Variants in MEP1A observed in about 807,000 individuals in gnomAD.
The protein encoded by MEP1A is N-benzoyl-L-tyrosyl-P-amino-benzoic acid hydrolase subunit alpha.
A neutral mutation model predicts 84.5 loss-of-function variants in MEP1A; 68 were observed. That is an observed-to-expected ratio of 0.80 (90% CI 0.66 to 0.98). The LOEUF (loss-of-function observed/expected upper bound fraction) is 0.98, where lower values mean the gene tolerates loss of function less well. Among genes scored for constraint, MEP1A ranks in the 50% least tolerant of loss-of-function variants. The pLI is 0.00. For missense variants in MEP1A, 887 were observed against 919.9 expected (o/e 0.96, Z 0.46); for synonymous variants, 337 against 336.8 (o/e 1.00, Z -0.01).
intron 6 of MEP1A, 69 bp from the exon 7 acceptor site, chr6:46,819,460 T>C (rs1767716058): frequency 7.8e-7 from 1 of 1,289,570 alleles, no homozygotes; most frequent in Non-Finnish European, 1.1e-6. Context: ...ATTTGTGTTT[T>C]GGAGTACTGT....
downstream of MEP1A, among the ~76,000 whole-genome samples, chr6:46,844,150 A>T (rs1768378577): frequency 6.6e-6 from 1 of 152,216 alleles, no homozygotes; most frequent in Non-Finnish European, 1.5e-5. Context: ...AAAGTCTCTA[A>T]GCAAAGAAAA....
intron 8 of MEP1A, 138 bp from the exon 9 acceptor site, chr6:46,826,216 T>A: frequency 1.4e-6 from 1 of 693,018 alleles, no homozygotes; most frequent in Non-Finnish European, 2.2e-6. Context: ...CAGTAAGATT[T>A]GCATTTGAGA....
chr6:46,819,326 T>C (rs1480846558), intron 6 of MEP1A, among the ~76,000 whole-genome samples: 3 of 152,234 alleles, frequency 2.0e-5, no homozygotes, highest in Non-Finnish European at 4.4e-5. Flanking sequence ...TCTTCACTTT[T>C]AAAGCCTGCA....
intron 6 of MEP1A, among the ~76,000 whole-genome samples, chr6:46,812,150 C>T (rs1767518258): frequency 1.3e-5 from 2 of 151,994 alleles, no homozygotes; most frequent in African/African-American, 2.4e-5. Flanking sequence ...AATCTCACTA[C>T]TTGTTATTTG....
In MEP1A at chr6:46,814,657, C is replaced by T. The variant is rs1767590206; in HGVS notation, c.381-4872C>T. Among the ~76,000 whole-genome samples the T allele has an allele frequency of 2.0e-5, 3 of 152,094 alleles. No homozygotes were observed. In the South Asian group the frequency reaches 6.2e-4, roughly 32 times the overall value. ...TATCACCAGAATTGTTTTTCTGGTC[C>T]CTTCTCATTTGGGTAGACTGTGTCA... On this transcript the variant is annotated intron_variant, in intron 6 of 13. Transcript: ENST00000230588.
At chr6:46,825,641 C>T in intron 8 of MEP1A, 148 bp downstream of exon 8, 1 of 615,974 alleles carries the variant, frequency 1.6e-6, no homozygotes, top group Middle Eastern at 4.2e-4. Context: ...TGTTGGTCTA[C>T]CTCTAGACCC....
At position 46,839,179 on chromosome 6, in the gene MEP1A, A is replaced by T. The variant is rs376759432; in HGVS notation, c.*43A>T. 1.4e-5 allele frequency: 22 copies of T among 1,579,034 alleles called. 1 individual carries two copies. Among genetic ancestry groups the T allele is most frequent in the Admixed American group, 7.0e-5 (4 of 57,468 alleles). The stretch of plus-strand genomic sequence containing the variant: ...GCCAGACCACAGCAGCACCTCCTCC[A>T]TGCAGGCCTTAACTTTCCCATGGTC... On this transcript the variant is annotated 3_prime_UTR_variant, in exon 14 of 14. Transcript: ENST00000230588.
chr6:46,833,143 T>G lies in MEP1A; in HGVS notation c.1214T>G (p.Phe405Cys), dbSNP rs1768114111. ...GAGGAACAGAAGTTTCGCTACCTTT[T>G]CCAGGGCACAAAAGGCGACCCTCAG... The part of the protein sequence containing the change: ...LKEEQKFRYL[F>C]QGTKGDPQNS... The change falls in exon 11 of 14, where the codon TTC (phenylalanine) becomes TGC (cysteine). Residue 405 changes from phenylalanine (F) to cysteine (C), a missense_variant. Transcript: ENST00000230588. The G allele has an allele frequency of 6.4e-7, 1 of 1,570,124 alleles. No homozygotes were observed. The highest frequency in any genetic ancestry group is 1.4e-5 in the African/African-American group (1 of 72,900).
rs114611318 is a variant in MEP1A, at chr6:46,805,480, C to T, written c.263-3940C>T. 7.3e-3 allele frequency among the ~76,000 whole-genome samples: 1,110 copies of T among 151,930 alleles called. 12 individuals carry two copies. Among genetic ancestry groups the T allele is most frequent in the African/African-American group, 0.025 (1,052 of 41,482 alleles). ...TTATAAAATATCTGCTCTGTTAACC[C>T]ATTTTAAAAATTGAGTTGTTATTTA... On this transcript the variant is annotated intron_variant, in intron 5 of 13. Coordinates refer to ENST00000230588, the MANE Select transcript of MEP1A (RefSeq NM_005588.3).
chr6:46,819,749 A>G (rs773161085), intron 7 of MEP1A, 45 bp downstream of exon 7: 2 of 1,589,816 alleles, frequency 1.3e-6, no homozygotes, highest in Non-Finnish European at 1.7e-6. Flanking sequence ...ACTGGCTGAG[A>G]CCAATCCTGA....
In MEP1A at chr6:46,807,787, GAAA is replaced by G. The variant is rs1562107010; in HGVS notation, c.263-1632_263-1630del. On this transcript the variant is annotated intron_variant, in intron 5 of 13. Coordinates refer to ENST00000230588, the MANE Select transcript of MEP1A (RefSeq NM_005588.3). ...GGGAGAAAGGAAAGAAAGAAAGAAA[GAAA>G]GAAAGAAAGAAAGAAAGAAAGAAAG... Among the ~76,000 whole-genome samples the G allele has an allele frequency of 5.9e-3, 662 of 112,490 alleles. 7 individuals carry two copies. Among genetic ancestry groups the G allele is most frequent in the African/African-American group, 0.019 (628 of 32,720 alleles). The allele number at this position is 112,490 out of a possible 152,430, so 73.8% of individuals were successfully genotyped here.
At position 46,835,516 on chromosome 6, in the gene MEP1A, T is replaced by A. The variant is rs766193430; in HGVS notation, c.2051T>A (p.Ile684Asn). ...CCAAACCCTTGCCAAAATGACGGCA[T>A]CTGTGTGAACGTGAAGGGGATGGCG... Reference protein sequence around the residue: ...CDPNPCQNDGICVNVKGMASC... With the variant: ...CDPNPCQNDGNCVNVKGMASC... Residue 684 changes from isoleucine to asparagine, a missense_variant, in exon 13 of 14, where the codon ATC becomes AAC. Physicochemically the swap from Ile to Asn is moderately radical, Grantham distance 149. Coordinates refer to ENST00000230588, the MANE Select transcript of MEP1A (RefSeq NM_005588.3). 2 of 1,613,654 alleles carry A rather than the reference T, an allele frequency of 1.2e-6. No individual in the cohort carries two copies. Among genetic ancestry groups the A allele is most frequent in the African/African-American group, 1.3e-5 (1 of 75,032 alleles).
chr6:46,845,024 T>A, the MEP1A span, among the ~76,000 whole-genome samples: 2 of 152,212 alleles, frequency 1.3e-5, no homozygotes, highest in African/African-American at 4.8e-5. Flanking sequence ...AGACGTGCCT[T>A]GCTTCCCCTT....
intron 5 of MEP1A, among the ~76,000 whole-genome samples, chr6:46,799,515 A>C (rs1767145480): frequency 6.6e-6 from 1 of 152,198 alleles, no homozygotes; most frequent in Non-Finnish European, 1.5e-5. Flanking sequence ...GTGAATCTAA[A>C]TGTAGTGTGA....
intron 5 of MEP1A, among the ~76,000 whole-genome samples, chr6:46,805,489 A>T (rs982648309): frequency 4.6e-5 from 7 of 151,898 alleles, no homozygotes; most frequent in Admixed American, 1.3e-4. Flanking sequence ...CCATTTTAAA[A>T]ATTGAGTTGT....
At chr6:46,840,130 T>C (rs987739200), downstream of MEP1A, among the ~76,000 whole-genome samples, 19 of 152,114 alleles carry the variant, frequency 1.2e-4, no homozygotes, top group Non-Finnish European at 2.2e-4. Context: ...TTCTGAGTGG[T>C]CCTTTAAGTC....
chr6:46,829,508 T>C lies in MEP1A; in HGVS notation c.1081T>C (p.Trp361Arg). 1.2e-6 allele frequency: 2 copies of C among 1,614,202 alleles called. No individual in the cohort carries two copies. The highest frequency in any genetic ancestry group is 1.7e-6 in the Non-Finnish European group (2 of 1,180,030). Residue 361 changes from tryptophan (W) to arginine (R), a missense_variant, in exon 10 of 14, where the codon TGG (tryptophan) becomes CGG (arginine). Physicochemically the swap from Trp to Arg is moderately radical, Grantham distance 101 (BLOSUM62 -3). Transcript: ENST00000230588. Reference protein sequence around the residue: ...TGSPSDRLVVWVRRDDSTGNV... With the variant: ...TGSPSDRLVVRVRRDDSTGNV... The stretch of plus-strand genomic sequence containing the variant: ...AAGTCCTTCAGACAGACTCGTTGTC[T>C]GGGTCAGGAGGGATGACAGCACAGG...
chr6:46,813,166 T>G (rs1767546792), intron 6 of MEP1A, among the ~76,000 whole-genome samples: 1 of 151,966 alleles, frequency 6.6e-6, no homozygotes, highest in African/African-American at 2.4e-5. Context: ...GTAAATATAT[T>G]TTTAGAATAT....
At chr6:46,825,809 C>T (rs77748060) in intron 8 of MEP1A, among the ~76,000 whole-genome samples, 8 of 152,208 alleles carry the variant, frequency 5.3e-5, no homozygotes, top group East Asian at 3.9e-4. Context: ...ACTGGACAAA[C>T]GTAAGGAGAT....
Sources: gnomAD v4.1 joint callset for allele counts (sites outside exome capture counted in the v4.1 genomes callset) on GRCh38, gnomAD v4.1.1 for gene constraint, MANE v1.5 for transcripts, NCBI Gene and HGNC (gene_info 2026-07-23, HGNC 2026-07-21) for gene names.